Variants in GRID1 observed in about 807,000 individuals in gnomAD.
GRID1 encodes the protein glutamate ionotropic receptor delta type subunit 1.
GRID1 carries 28 observed loss-of-function variants against 98.0 expected under a neutral mutation model. The ratio of observed to expected loss-of-function variants is 0.29; its 90% CI spans 0.21 to 0.39. GRID1 has a LOEUF of 0.39. GRID1 is among the 10% of genes least tolerant of loss of function. GRID1 has a pLI of 1.00. For missense variants in GRID1, 1,111 were observed against 1,340.5 expected (o/e 0.83, Z 2.67); for synonymous variants, 553 against 538.5 (o/e 1.03, Z -0.37).
chr10:85,854,710 C>T (rs189863117), intron 7 of GRID1, 95 bp from the exon 8 acceptor site: 219 of 1,280,922 alleles, frequency 1.7e-4, no homozygotes, highest in East Asian at 1.9e-4. Flanking sequence ...TCACCAAGAA[C>T]GGAGCAATCA....
chr10:86,001,837 T>G (rs1003838427), intron 4 of GRID1, among the ~76,000 whole-genome samples: 1 of 152,122 alleles, frequency 6.6e-6, no homozygotes, highest in Non-Finnish European at 1.5e-5. Flanking sequence ...CTCCCACAGT[T>G]CTGGAGGCTA....
At chr10:85,985,926 T>C (rs535740057) in intron 4 of GRID1, among the ~76,000 whole-genome samples, 17 of 152,312 alleles carry the variant, frequency 1.1e-4, no homozygotes, top group Middle Eastern at 3.4e-3. Context: ...ATTTGGAATA[T>C]GTGGTTTCAT....
chr10:86,082,635 C>T (rs578053077), intron 4 of GRID1, among the ~76,000 whole-genome samples: 9 of 152,284 alleles, frequency 5.9e-5, no homozygotes, highest in South Asian at 2.1e-4. Flanking sequence ...GGAGGTGCCC[C>T]GTTTCCCACA....
intron 14 of GRID1, among the ~76,000 whole-genome samples, chr10:85,619,355 C>T (rs1842830671): frequency 6.6e-6 from 1 of 152,236 alleles, no homozygotes; most frequent in Admixed American, 6.5e-5. Flanking sequence ...TGGAGACATT[C>T]TGCTTCTCTG....
intron 2 of GRID1, among the ~76,000 whole-genome samples, chr10:86,291,225 G>A (rs1018206801): frequency 8.5e-5 from 13 of 152,128 alleles, no homozygotes; most frequent in South Asian, 2.1e-4. Context: ...TCCACAGCGC[G>A]GTGCACAGAG....
intron 2 of GRID1, among the ~76,000 whole-genome samples, chr10:86,362,688 C>T (rs1293137849): frequency 2.0e-5 from 3 of 152,184 alleles, no homozygotes; most frequent in African/African-American, 4.8e-5. Flanking sequence ...CTCCTTCCAA[C>T]ACAACGACCT....
chr10:86,317,240 T>TA (rs1847912430), intron 2 of GRID1, among the ~76,000 whole-genome samples: 1 of 152,102 alleles, frequency 6.6e-6, no homozygotes, highest in Non-Finnish European at 1.5e-5. Context: ...TGATTCTAGA[T>TA]ACTTGGCTTG....
At chr10:85,760,199 G>A (rs554411411) in intron 8 of GRID1, among the ~76,000 whole-genome samples, 34 of 152,294 alleles carry the variant, frequency 2.2e-4, no homozygotes, top group Admixed American at 1.8e-3. Context: ...GTTTAGGCAC[G>A]AATAAGATAC....
intron 5 of GRID1, among the ~76,000 whole-genome samples, chr10:85,880,459 T>G (rs922454719): frequency 6.6e-6 from 1 of 152,240 alleles, no homozygotes; most frequent in Non-Finnish European, 1.5e-5. Flanking sequence ...GATGCAAGGC[T>G]GGTTCAACAT....
chr10:85,966,326 G>A (rs2131852070), intron 4 of GRID1, among the ~76,000 whole-genome samples: 1 of 152,234 alleles, frequency 6.6e-6, no homozygotes, highest in South Asian at 2.1e-4. Flanking sequence ...ATCTATTCCT[G>A]GATATTTAGG....
intron 4 of GRID1, among the ~76,000 whole-genome samples, chr10:86,045,452 C>T (rs932025269): frequency 1.3e-5 from 2 of 152,110 alleles, no homozygotes; most frequent in Non-Finnish European, 2.9e-5. Flanking sequence ...AGCGAGACTG[C>T]GATTTTCCTT....
chr10:85,833,076 G>A (rs1842882837), intron 8 of GRID1, among the ~76,000 whole-genome samples: 2 of 152,132 alleles, frequency 1.3e-5, no homozygotes, highest in Non-Finnish European at 2.9e-5. Flanking sequence ...TCAGGCAGCT[G>A]GGCAGGACCA....
intron 2 of GRID1, among the ~76,000 whole-genome samples, chr10:86,277,080 AT>A (rs1450762112): frequency 6.6e-6 from 1 of 152,206 alleles, no homozygotes; most frequent in Non-Finnish European, 1.5e-5. Context: ...ATGGAGAGTT[AT>A]TGTTTAACAG....
chr10:86,081,857 T>C (rs1337279781), intron 4 of GRID1, among the ~76,000 whole-genome samples: 1 of 152,210 alleles, frequency 6.6e-6, no homozygotes, highest in Non-Finnish European at 1.5e-5. Flanking sequence ...TGCCTATGAA[T>C]AGGCAGAGCA....
rs144678507 is a variant in GRID1 at position 86,172,057 on chromosome 10, T to C, written c.521-33033A>G. Among the ~76,000 whole-genome samples, 500 of 152,234 alleles carry C rather than the reference T, an allele frequency of 3.3e-3. 4 individuals are homozygous for C. Among genetic ancestry groups the C allele is most frequent in the African/African-American group, 0.011 (469 of 41,520 alleles). ...CTTAAGTGTACAATTGAATGGCTTA[T>C]TATATTCAGACTCTTGCAACCACCA... On this transcript the variant is annotated intron_variant, in intron 3 of 15. Transcript: ENST00000327946.
chr10:85,666,837 G>A (rs1422591252), intron 12 of GRID1, among the ~76,000 whole-genome samples: 1 of 152,066 alleles, frequency 6.6e-6, no homozygotes, highest in Admixed American at 6.6e-5. Context: ...GCTCACATCA[G>A]GTGCAGGTGT....
At chr10:85,791,526 T>C (rs1842479411) in intron 8 of GRID1, among the ~76,000 whole-genome samples, 1 of 152,108 alleles carries the variant, frequency 6.6e-6, no homozygotes, top group Admixed American at 6.5e-5. Context: ...CTACACTTTC[T>C]GAAACAGGGA....
At chr10:86,272,947 A>T (rs915343875) in intron 2 of GRID1, among the ~76,000 whole-genome samples, 2 of 152,160 alleles carry the variant, frequency 1.3e-5, no homozygotes, top group Admixed American at 1.3e-4. Flanking sequence ...GTTTTAGGGT[A>T]CATGTGCACA....
At position 86,261,197 on chromosome 10, in the gene GRID1, A is replaced by G. The variant is rs552566217; in HGVS notation, c.236-54549T>C. Among the ~76,000 whole-genome samples, 9 of 152,356 alleles carry G rather than the reference A, an allele frequency of 5.9e-5. No homozygotes were observed. In the South Asian group the frequency reaches 1.9e-3, roughly 32 times the overall value. On this transcript the variant is annotated intron_variant, in intron 2 of 15. Transcript: ENST00000327946. ...TGGATGAGGAAACTGAGGCTTACAC[A>G]AGTTATGTGACTTGCAAAATAACAG...
Sources: allele counts gnomAD v4.1 joint callset (sites outside exome capture counted in the v4.1 genomes callset), GRCh38; gene constraint gnomAD v4.1.1; transcripts MANE v1.5; gene names NCBI Gene and HGNC (gene_info 2026-07-23, HGNC 2026-07-21).